The following PADI1 variants were observed in gnomAD, a reference collection of about 807,000 sequenced individuals.
PADI1 encodes the protein protein-arginine deiminase type-1.
In PADI1, 65 loss-of-function variants were observed where a neutral mutation model predicts 74.8. The ratio of observed to expected loss-of-function variants is 0.87; its 90% confidence interval spans 0.71 to 1.07. The LOEUF is 1.07. Ranked by LOEUF, PADI1 falls within the 50% of genes least tolerant of loss-of-function variation. The pLI, the probability that PADI1 is intolerant of heterozygous loss-of-function variation, is 0.00. For missense variants in PADI1, 943 were observed against 854.0 expected, an observed-to-expected ratio of 1.10 and a Z score of -1.30; for synonymous variants, 371 against 336.2, an observed-to-expected ratio of 1.10 and a Z score of -1.13.
At position 17,215,150 on chromosome 1, in the gene PADI1, C is replaced by T. The variant is rs556356691; in HGVS notation, c.93-7140C>T. Among the ~76,000 whole-genome samples the T allele has an allele frequency of 3.7e-4, 57 of 152,212 alleles. 1 individual carries two copies. The South Asian group carries it at 0.011, about 30-fold the overall frequency. On this transcript the variant is annotated intron_variant, in intron 1 of 15. Coordinates refer to ENST00000375471, the MANE Select transcript of PADI1 (RefSeq NM_013358.3). ...GTGTCTCCTGCAGGAAGCCACATTTCCCCCAAGGCCTGACCCCTCTAGGCA... is the reference window on the plus strand; with the variant it reads ...GTGTCTCCTGCAGGAAGCCACATTTTCCCCAAGGCCTGACCCCTCTAGGCA...
At position 17,228,482 on chromosome 1, in the gene PADI1, C is replaced by A. The variant is rs2072386041; in HGVS notation, c.653-143C>A. 8 of 767,128 alleles carry A rather than the reference C, an allele frequency of 1.0e-5. No homozygotes were observed. The South Asian group carries it at 1.1e-4, about 11-fold the overall frequency. The allele number at this position is 767,128 out of a possible 1,614,324, so 47.5% of individuals were successfully genotyped here. On this transcript the variant is annotated intron_variant, in intron 6 of 15. Coordinates refer to ENST00000375471, the MANE Select transcript of PADI1 (RefSeq NM_013358.3). ...GGCTTAGAGAGGTTGAGTCATTGAGCTAAGGCCATGCAGCTTGCACGTGGC... is the reference window on the plus strand; with the variant it reads ...GGCTTAGAGAGGTTGAGTCATTGAGATAAGGCCATGCAGCTTGCACGTGGC...
intron 1 of PADI1, among the ~76,000 whole-genome samples, chr1:17,212,404 C>T (rs970041082): frequency 2.6e-5 from 4 of 151,634 alleles, no homozygotes; most frequent in Non-Finnish European, 5.9e-5. Context: ...GCACAGTGCC[C>T]CAGACGACCC....
At chr1:17,217,686 G>A (rs919937421) in intron 1 of PADI1, among the ~76,000 whole-genome samples, 15 of 152,176 alleles carry the variant, frequency 9.9e-5, no homozygotes, top group Admixed American at 3.3e-4. Context: ...GTGATGTCAC[G>A]AGGTGCTATT....
At chr1:17,220,377 G>A (rs985380999) in intron 1 of PADI1, among the ~76,000 whole-genome samples, 3 of 152,136 alleles carry the variant, frequency 2.0e-5, no homozygotes, top group African/African-American at 7.2e-5. Flanking sequence ...TTCTCCAGAG[G>A]GCTGAATATT....
rs753747353 is a variant in PADI1 at position 17,224,434 on chromosome 1, A to G, written c.408+6A>G. On this transcript the variant is annotated splice_donor_region_variant and intron_variant, in intron 4 of 15. Transcript: ENST00000375471. ...AGAGGAGCCAAGGGGACAAGGTGAG[A>G]CCCTTCCGGGCACCCCAAGGCTGCG... The G allele has an allele frequency of 3.1e-6, 5 of 1,611,544 alleles. No homozygotes were observed. In the Admixed American group the frequency reaches 8.3e-5, roughly 27 times the overall value.
At chr1:17,210,543 G>A (rs1461584138) in intron 1 of PADI1, among the ~76,000 whole-genome samples, 1 of 152,046 alleles carries the variant, frequency 6.6e-6, no homozygotes, top group Non-Finnish European at 1.5e-5. Flanking sequence ...GCTCCACTTG[G>A]GAGAAAGCTG....
intron 1 of PADI1, among the ~76,000 whole-genome samples, chr1:17,214,653 G>A (rs367881342): frequency 5.8e-4 from 89 of 152,254 alleles, no homozygotes; most frequent in Non-Finnish European, 1.0e-3. Flanking sequence ...GGAGGAAGCC[G>A]GGAGCAGCTC....
chr1:17,231,603 C>G (rs560045432), intron 10 of PADI1, among the ~76,000 whole-genome samples: 4 of 152,162 alleles, frequency 2.6e-5, no homozygotes, highest in Non-Finnish European at 5.9e-5. Flanking sequence ...GGGGGACCCA[C>G]CTGACCTGCC....
At chr1:17,222,596 G>GA in intron 2 of PADI1, 126 bp downstream of exon 2, 1 of 726,544 alleles carries the variant, frequency 1.4e-6, no homozygotes, top group Non-Finnish European at 2.4e-6. Flanking sequence ...GCTTATCACA[G>GA]TACATACACA....
chr1:17,232,642 G>T (rs565901077), intron 10 of PADI1, among the ~76,000 whole-genome samples, 177 bp from the exon 11 acceptor site: 1 of 152,048 alleles, frequency 6.6e-6, no homozygotes, highest in African/African-American at 2.4e-5. Flanking sequence ...GTCTTTAATC[G>T]CATGGTTCGC....
At chr1:17,230,049 G>A (rs199704495) in intron 8 of PADI1, 36 bp from the exon 9 acceptor site, 178 of 1,597,306 alleles carry the variant, frequency 1.1e-4, no homozygotes, top group Non-Finnish European at 1.4e-4. Context: ...ACAGTCAGAG[G>A]CCATTAGCAT....
chr1:17,210,647 T>C (rs2071810612), intron 1 of PADI1, among the ~76,000 whole-genome samples: 1 of 152,020 alleles, frequency 6.6e-6, no homozygotes, highest in Non-Finnish European at 1.5e-5. Context: ...TTTCTGTGAA[T>C]GAGGGAGAAG....
rs778745341 is a variant in PADI1 at position 17,230,555 on chromosome 1, C to T, written c.1054-17C>T. 5 of 1,568,060 alleles carry T rather than the reference C, an allele frequency of 3.2e-6. No individual in the cohort carries two copies. In the African/African-American group the frequency reaches 6.8e-5, roughly 21 times the overall value. On this transcript the variant is annotated splice_polypyrimidine_tract_variant and intron_variant, in intron 9 of 15. Transcript: ENST00000375471. Reference sequence around the variant, plus strand: ...CCGAAAAAGGTCACTGTGGCTTTTTCATCTCTCCCCTCCCAGGACGAGATG... The same window carrying T: ...CCGAAAAAGGTCACTGTGGCTTTTTTATCTCTCCCCTCCCAGGACGAGATG...
chr1:17,235,892 G>C (rs1409352863), intron 11 of PADI1, among the ~76,000 whole-genome samples: 1 of 152,214 alleles, frequency 6.6e-6, no homozygotes, highest in African/African-American at 2.4e-5. Flanking sequence ...CCCAGGCACA[G>C]AGCAAGGACC....
intron 1 of PADI1, among the ~76,000 whole-genome samples, chr1:17,206,267 A>T (rs2071680067): frequency 6.6e-6 from 1 of 152,148 alleles, no homozygotes; most frequent in African/African-American, 2.4e-5. Flanking sequence ...CAGCCCCTGT[A>T]CCTGCTGGTC....
intron 15 of PADI1, among the ~76,000 whole-genome samples, chr1:17,243,034 G>T (rs949577361): frequency 1.3e-5 from 2 of 152,172 alleles, no homozygotes; most frequent in African/African-American, 2.4e-5. Flanking sequence ...ACTTGAGGGT[G>T]GGGGGCAGAG....
chr1:17,233,256 A>C (rs74058992), intron 11 of PADI1, among the ~76,000 whole-genome samples: 17,325 of 152,236 alleles, frequency 0.11, 1,336 homozygotes, highest in African/African-American at 0.22. Context: ...CCTCCCATAA[A>C]AAGGCAGGTT....
At chr1:17,212,381 C>A (rs1380922629) in intron 1 of PADI1, among the ~76,000 whole-genome samples, 2 of 151,898 alleles carry the variant, frequency 1.3e-5, no homozygotes, top group Non-Finnish European at 2.9e-5. Flanking sequence ...CTCCTGCCCC[C>A]ACCACTCATC....
chr1:17,244,584 G>T lies in PADI1; in HGVS notation c.*341G>T. ...AGAATTGCTCCCCCTTCATTCTGATGCCTCCCTGGGGAACAAGGATAATGA... is the reference window on the plus strand; with the variant it reads ...AGAATTGCTCCCCCTTCATTCTGATTCCTCCCTGGGGAACAAGGATAATGA... On this transcript the variant is annotated 3_prime_UTR_variant, in exon 16 of 16. Transcript: ENST00000375471. 2.4e-6 allele frequency: 1 copy of T among 416,204 alleles called. No individual in the cohort carries two copies. The allele number at this position is 416,204 out of a possible 1,614,324, so 25.8% of individuals were successfully genotyped here. A position where few individuals can be genotyped will look rare whatever the true frequency, so the allele number is the denominator to read the frequency against.
Sources: gnomAD v4.1 joint callset for allele counts (sites outside exome capture counted in the v4.1 genomes callset) on GRCh38, gnomAD v4.1.1 for gene constraint, MANE v1.5 for transcripts, NCBI Gene and HGNC (gene_info 2026-07-23, HGNC 2026-07-21) for gene names.